The following MMRN1 variants were observed in gnomAD, a reference collection of about 807,000 sequenced individuals.
The protein encoded by MMRN1 is multimerin 1.
Under a neutral mutation model 100.7 loss-of-function variants are expected in MMRN1, and 94 were observed. That is an observed-to-expected ratio of 0.93 (90% CI 0.79 to 1.11). The LOEUF (loss-of-function observed/expected upper bound fraction) is 1.11, where lower values mean the gene tolerates loss of function less well. Ranked by LOEUF, MMRN1 falls within the 50% of genes least tolerant of loss-of-function variation. The pLI is 0.00. For synonymous variants in MMRN1, 575 were observed against 505.0 expected (o/e 1.14, Z -1.86); for missense variants, 1,606 against 1,439.1 (o/e 1.12, Z -1.88).
intron 1 of MMRN1, among the ~76,000 whole-genome samples, chr4:89,904,456 C>G (rs1437978706): frequency 1.3e-5 from 2 of 149,660 alleles, no homozygotes; most frequent in African/African-American, 5.0e-5. Context: ...ACCCTCCCTA[C>G]CATCCCTAGC....
At chr4:89,930,798 T>C (rs1327855851) in intron 5 of MMRN1, among the ~76,000 whole-genome samples, 1 of 152,056 alleles carries the variant, frequency 6.6e-6, no homozygotes, top group South Asian at 2.1e-4. Flanking sequence ...TTACTCTATA[T>C]AGCATATAGA....
In MMRN1 at chr4:89,927,809, A is replaced by G; in HGVS notation, c.970A>G (p.Met324Val). Residue 324 changes from methionine (M) to valine (V), a missense_variant, in exon 5 of 8, where the codon ATG becomes GTG. By Grantham distance (21) the Met-to-Val change is conservative. Coordinates refer to ENST00000264790, the MANE Select transcript of MMRN1 (RefSeq NM_007351.3). ...GCGDPEVMQKMTDQVNYQAMK... is the reference protein window; with the variant it reads ...GCGDPEVMQKVTDQVNYQAMK... The stretch of plus-strand genomic sequence containing the variant: ...TCTATATGCAGAAGTGATGCAAAAA[A>G]TGACTGATCAGGTGAACTACCAGGC... 6.2e-7 allele frequency: 1 copy of G among 1,610,330 alleles called. No homozygotes were observed.
Position 89,935,047 on chromosome 4 carries a change from T to G in MMRN1, c.1367T>G (p.Ile456Arg). 6.2e-7 allele frequency: 1 copy of G among 1,613,670 alleles called. No homozygotes were observed. The highest frequency in any genetic ancestry group is 8.5e-7 in the Non-Finnish European group (1 of 1,179,772). ...VQENRPTLTD[I>R]VELRNHIVNV... ...GAGAATCGGCCCACTTTGACTGATA[T>G]AGTGGAACTAAGGAATCACATTGTG... Residue 456 changes from isoleucine to arginine, a missense_variant, in exon 6 of 8, where the codon ATA (isoleucine) becomes AGA (arginine). Coordinates refer to ENST00000264790, the MANE Select transcript of MMRN1 (RefSeq NM_007351.3).
intron 1 of MMRN1, among the ~76,000 whole-genome samples, chr4:89,881,720 A>G (rs1401263585): frequency 1.3e-5 from 2 of 151,934 alleles, no homozygotes; most frequent in Admixed American, 6.6e-5. Flanking sequence ...TTTTTGCCCA[A>G]TTAAGTGCTG....
chr4:89,919,396 C>A (rs1294933145), intron 3 of MMRN1, among the ~76,000 whole-genome samples: 1 of 151,464 alleles, frequency 6.6e-6, no homozygotes, highest in Non-Finnish European at 1.5e-5. Context: ...CGATCTTTAA[C>A]ATAGTGGGTG....
chr4:89,885,684 G>T (rs1360101464), intron 1 of MMRN1, among the ~76,000 whole-genome samples: 11 of 152,024 alleles, frequency 7.2e-5, no homozygotes, highest in East Asian at 5.8e-4. Context: ...GGCATAAATT[G>T]TTCATAATGG....
intron 3 of MMRN1, among the ~76,000 whole-genome samples, chr4:89,921,004 A>C (rs1409145150): frequency 6.6e-6 from 1 of 152,144 alleles, no homozygotes; most frequent in Non-Finnish European, 1.5e-5. Context: ...ATGTGTTATA[A>C]TAAAAGTTAA....
chr4:89,932,739 A>G (rs1274754337), intron 5 of MMRN1, among the ~76,000 whole-genome samples: 2 of 152,096 alleles, frequency 1.3e-5, no homozygotes, highest in African/African-American at 4.8e-5. Context: ...CCAAGCCTTG[A>G]AACAGCACAA....
At chr4:89,936,978 A>T (rs750222863) in intron 6 of MMRN1, among the ~76,000 whole-genome samples, 180 bp downstream of exon 6, 2 of 152,114 alleles carry the variant, frequency 1.3e-5, no homozygotes, top group African/African-American at 4.8e-5. Context: ...AGTATTTCAG[A>T]CATCAATACA....
chr4:89,899,390 C>A (rs1721310754), intron 1 of MMRN1, among the ~76,000 whole-genome samples: 1 of 152,060 alleles, frequency 6.6e-6, no homozygotes, highest in Non-Finnish European at 1.5e-5. Context: ...CTGTCCCAAG[C>A]ACTGTGCTTG....
intron 6 of MMRN1, among the ~76,000 whole-genome samples, chr4:89,938,169 A>C (rs185712261): frequency 1.6e-4 from 24 of 151,972 alleles, no homozygotes; most frequent in African/African-American, 5.8e-4. Context: ...AGAATAATAG[A>C]GTTGAATTAT....
chr4:89,880,178 A>C (rs1720788865), intron 1 of MMRN1, among the ~76,000 whole-genome samples: 1 of 152,174 alleles, frequency 6.6e-6, no homozygotes, highest in South Asian at 2.1e-4. Context: ...AAAACATGAA[A>C]TCAGTTAAGT....
In MMRN1 at chr4:89,953,185, G is replaced by A. The variant is rs536978530; in HGVS notation, c.3454G>A (p.Glu1152Lys). 23 of 1,613,652 alleles carry A rather than the reference G, an allele frequency of 1.4e-5. No homozygotes were observed. The highest frequency in any genetic ancestry group is 1.6e-4 in the Middle Eastern group (1 of 6,080). ...LGVYVFKYTI[E>K]SFSAHISGFL... ...AGTATATGTTTTCAAGTACACCATC[G>A]AGTCATTTAGTGCTCATATTTCTGG... Residue 1152 changes from glutamate (E) to lysine (K), a missense_variant, in exon 8 of 8, where the codon GAG becomes AAG. Coordinates refer to ENST00000264790, the MANE Select transcript of MMRN1 (RefSeq NM_007351.3).
chr4:89,926,888 G>A (rs1334437545), intron 4 of MMRN1, among the ~76,000 whole-genome samples: 1 of 152,094 alleles, frequency 6.6e-6, no homozygotes, highest in Non-Finnish European at 1.5e-5. Flanking sequence ...TAAAGAGACT[G>A]TCTTTTCCCT....
At chr4:89,892,168 A>T (rs1389312831), upstream of MMRN1, among the ~76,000 whole-genome samples, 2 of 151,858 alleles carry the variant, frequency 1.3e-5, no homozygotes, top group African/African-American at 4.8e-5. Flanking sequence ...TACAATGAAA[A>T]ATGACATAAA....
chr4:89,928,608 C>A (rs1722340004), intron 5 of MMRN1, among the ~76,000 whole-genome samples: 1 of 152,126 alleles, frequency 6.6e-6, no homozygotes, highest in African/African-American at 2.4e-5. Flanking sequence ...AATTCATTTT[C>A]TTGCAGTTGT....
intron 6 of MMRN1, among the ~76,000 whole-genome samples, chr4:89,949,089 A>G (rs1341094247): frequency 6.6e-6 from 1 of 152,206 alleles, no homozygotes; most frequent in African/African-American, 2.4e-5. Flanking sequence ...AACATAAAGA[A>G]GCAAAAAATG....
At chr4:89,920,239 T>C (rs185858998) in intron 3 of MMRN1, among the ~76,000 whole-genome samples, 1 of 152,242 alleles carries the variant, frequency 6.6e-6, no homozygotes, top group East Asian at 1.9e-4. Context: ...CCGACCACAT[T>C]GCTACATACT....
intron 1 of MMRN1, among the ~76,000 whole-genome samples, chr4:89,895,989 A>T (rs1721195076): frequency 1.3e-5 from 2 of 152,188 alleles, no homozygotes; most frequent in Admixed American, 6.5e-5. Context: ...GCTTGAACAG[A>T]TGTGAAAATT....
Sources: gnomAD v4.1 joint callset for allele counts (sites outside exome capture counted in the v4.1 genomes callset) on GRCh38, gnomAD v4.1.1 for gene constraint, MANE v1.5 for transcripts, NCBI Gene and HGNC (gene_info 2026-07-23, HGNC 2026-07-21) for gene names.